RBFOX1: variants seen among roughly 807,000 people sequenced by gnomAD.
RBFOX1 encodes the protein RNA binding fox-1 homolog 1.
A neutral mutation model predicts 57.7 loss-of-function variants in RBFOX1; 8 were observed. That is an observed-to-expected ratio of 0.14 (90% confidence interval 0.08 to 0.25). RBFOX1 has a LOEUF of 0.25. RBFOX1 is among the 10% of genes least tolerant of loss of function. The pLI, the probability that RBFOX1 is intolerant of heterozygous loss-of-function variation, is 1.00. For missense variants in RBFOX1, 611 were observed against 548.5 expected (o/e 1.11, Z -1.14); for synonymous variants, 326 against 222.4 (o/e 1.47, Z -4.15).
intron 4 of RBFOX1, among the ~76,000 whole-genome samples, chr16:7,327,073 A>G (rs1331541188): frequency 6.6e-6 from 1 of 152,182 alleles, no homozygotes; most frequent in Admixed American, 6.5e-5. Flanking sequence ...TCTGAACCAA[A>G]CACAATGCTG....
At chr16:7,482,938 G>T (rs1185628934) in intron 4 of RBFOX1, among the ~76,000 whole-genome samples, 1 of 152,098 alleles carries the variant, frequency 6.6e-6, no homozygotes, top group East Asian at 1.9e-4. Flanking sequence ...ACTTTATCCT[G>T]GGTTGGAAAA....
intron 4 of RBFOX1, chr16:7,304,164 G>A: frequency 2.1e-6 from 2 of 972,618 alleles, no homozygotes; most frequent in African/African-American, 3.5e-5. Flanking sequence ...CCGGCGGGGT[G>A]CGGTGGGGGG....
intron 3 of RBFOX1, among the ~76,000 whole-genome samples, chr16:6,929,907 G>A (rs1288671991): frequency 1.3e-5 from 2 of 152,132 alleles, no homozygotes; most frequent in East Asian, 1.9e-4. Flanking sequence ...GACAGAAAAT[G>A]TGTGGAAGGA....
At chr16:6,655,343 C>T (rs1025688670) in intron 3 of RBFOX1, among the ~76,000 whole-genome samples, 1 of 115,610 alleles carries the variant, frequency 8.6e-6, no homozygotes, top group Non-Finnish European at 1.7e-5. Flanking sequence ...CAGCGCACTC[C>T]AGCCTGAGTG....
chr16:6,339,513 C>T (rs371775404), intron 2 of RBFOX1, among the ~76,000 whole-genome samples: 29 of 152,058 alleles, frequency 1.9e-4, no homozygotes, highest in African/African-American at 2.7e-4. Context: ...AAGAGGTCAT[C>T]GTAAAGTCAT....
At chr16:6,175,039 A>G (rs1250261947) in intron 1 of RBFOX1, among the ~76,000 whole-genome samples, 3 of 152,122 alleles carry the variant, frequency 2.0e-5, no homozygotes, top group Non-Finnish European at 4.4e-5. Flanking sequence ...GGTAATAGAA[A>G]CCATACGTAT....
chr16:7,344,531 A>G (rs1388139221), intron 4 of RBFOX1, among the ~76,000 whole-genome samples: 1 of 151,134 alleles, frequency 6.6e-6, no homozygotes, highest in Non-Finnish European at 1.5e-5. Context: ...GACACATATC[A>G]TTGTGTAATA....
chr16:5,736,548 TG>T (rs2052581071), intron 3 of RBFOX1, among the ~76,000 whole-genome samples: 1 of 152,078 alleles, frequency 6.6e-6, no homozygotes, highest in African/African-American at 2.4e-5. Flanking sequence ...CTGGGCCGAG[TG>T]GGGCCCGGAT....
At chr16:5,579,265 G>A (rs1049634489) in intron 2 of RBFOX1, among the ~76,000 whole-genome samples, 1 of 152,072 alleles carries the variant, frequency 6.6e-6, no homozygotes, top group Non-Finnish European at 1.5e-5. Flanking sequence ...AGGTGCTTAT[G>A]CAGAAACCCT....
At chr16:7,650,112 A>AG (rs1555716144) in intron 11 of RBFOX1, among the ~76,000 whole-genome samples, 3 of 95,150 alleles carry the variant, frequency 3.2e-5, no homozygotes, top group Non-Finnish European at 7.1e-5. Flanking sequence ...AGCAAGTATA[A>AG]GAAGGAAGGA....
intron 3 of RBFOX1, among the ~76,000 whole-genome samples, chr16:7,001,826 T>G (rs1283504306): frequency 1.3e-4 from 20 of 152,126 alleles, no homozygotes; most frequent in Admixed American, 1.3e-3. Context: ...GTGAACATCT[T>G]TATTATTATT....
intron 2 of RBFOX1, among the ~76,000 whole-genome samples, chr16:5,574,160 G>A (rs756456646): frequency 4.6e-5 from 7 of 152,136 alleles, no homozygotes; most frequent in Admixed American, 2.0e-4. Context: ...ATGCCTATGC[G>A]GATCTATGAG....
chr16:5,521,258 C>T (rs1319840581), intron 2 of RBFOX1, among the ~76,000 whole-genome samples: 1 of 149,976 alleles, frequency 6.7e-6, no homozygotes, highest in African/African-American at 2.5e-5. Flanking sequence ...TTCCATCTGG[C>T]ATGCCCAGTG....
chr16:6,541,605 T>C (rs1438102389), intron 2 of RBFOX1, among the ~76,000 whole-genome samples: 10 of 152,146 alleles, frequency 6.6e-5, no homozygotes, highest in Admixed American at 5.9e-4. Context: ...AGAGGAGGGA[T>C]AGGATATGAC....
intron 3 of RBFOX1, among the ~76,000 whole-genome samples, chr16:5,832,048 A>G (rs187457730): frequency 7.0e-4 from 106 of 152,322 alleles, no homozygotes; most frequent in African/African-American, 2.5e-3. Context: ...CCCAGTCAGC[A>G]TCAGACCATG....
chr16:6,745,181 G>A (rs1568436422), intron 3 of RBFOX1, among the ~76,000 whole-genome samples: 1 of 152,026 alleles, frequency 6.6e-6, no homozygotes, highest in African/African-American at 2.4e-5. Context: ...AATTAAATCT[G>A]GAGTTGAAAA....
chr16:7,619,498 G>A (rs902299042), intron 10 of RBFOX1, among the ~76,000 whole-genome samples: 2 of 75,998 alleles, frequency 2.6e-5, no homozygotes, highest in African/African-American at 5.4e-5. Flanking sequence ...AAAATTTTAA[G>A]CCTAATCTGA....
chr16:5,942,430 G>A (rs914785999), intron 4 of RBFOX1, among the ~76,000 whole-genome samples: 1 of 152,110 alleles, frequency 6.6e-6, no homozygotes, highest in African/African-American at 2.4e-5. Context: ...TGTCAGAAAT[G>A]CAAAACTCTG....
chr16:6,784,779 T>C (rs113425163), intron 3 of RBFOX1, among the ~76,000 whole-genome samples: 6 of 152,126 alleles, frequency 3.9e-5, no homozygotes, highest in African/African-American at 1.2e-4. Flanking sequence ...GGGAAGTAAA[T>C]CCCTGGAATT....
Sources: allele counts gnomAD v4.1 joint callset (sites outside exome capture counted in the v4.1 genomes callset), GRCh38; gene constraint gnomAD v4.1.1; transcripts MANE v1.5; gene names NCBI Gene and HGNC (gene_info 2026-07-23, HGNC 2026-07-21).